Variants in RAB27B observed in about 807,000 individuals in gnomAD.
RAB27B encodes ras-related protein Rab-27B.
A neutral mutation model predicts 24.6 loss-of-function variants in RAB27B; 15 were observed. The observed-to-expected ratio is 0.61, with a 90% CI of 0.41 to 0.94. RAB27B has a LOEUF of 0.94. RAB27B is among the 40% of genes least tolerant of loss of function. The pLI, the probability that RAB27B is intolerant of heterozygous loss-of-function variation, is 0.00. For synonymous variants in RAB27B, 105 were observed against 92.5 expected, an observed-to-expected ratio of 1.14 and a Z score of -0.78; for missense variants, 261 against 266.8, an observed-to-expected ratio of 0.98 and a Z score of 0.15.
intron 2 of RAB27B, among the ~76,000 whole-genome samples, chr18:54,804,904 C>CTCTTTCTTTCTTTCTTTCTTTCTTTCTT (rs777177556): frequency 2.3e-4 from 11 of 47,970 alleles, no homozygotes; most frequent in African/African-American, 5.0e-4. Context: ...CTTTCTCTCT[C>CTCTTTCTTTCTTTCTTTCTTTCTTTCTT]TCTTTCTTTC....
At chr18:54,882,054 A>G (rs1211662481) in intron 3 of RAB27B, among the ~76,000 whole-genome samples, 4 of 152,278 alleles carry the variant, frequency 2.6e-5, no homozygotes, top group Middle Eastern at 3.4e-3. Flanking sequence ...TCAAAGCACT[A>G]TAATCTCTGT....
intron 2 of RAB27B, among the ~76,000 whole-genome samples, chr18:54,740,381 G>A (rs9949313): frequency 0.061 from 9,348 of 152,164 alleles, 360 homozygotes; most frequent in Admixed American, 0.087. Context: ...CAATCCTTAC[G>A]TTGAATAAAC....
At chr18:54,743,751 G>A (rs980541791) in intron 2 of RAB27B, among the ~76,000 whole-genome samples, 7 of 152,188 alleles carry the variant, frequency 4.6e-5, no homozygotes, top group African/African-American at 7.2e-5. Context: ...TGGACAGAGC[G>A]AATCAGCTCA....
chr18:54,876,159 G>C (rs1162928956), intron 1 of RAB27B, among the ~76,000 whole-genome samples: 1 of 152,086 alleles, frequency 6.6e-6, no homozygotes, highest in African/African-American at 2.4e-5. Context: ...AGGGGGAAGA[G>C]CCCCTTATAA....
chr18:54,799,821 G>T (rs1175055063), intron 2 of RAB27B, among the ~76,000 whole-genome samples: 1 of 151,628 alleles, frequency 6.6e-6, no homozygotes, highest in African/African-American at 2.4e-5. Context: ...GTAGAGACGG[G>T]GTTTCACCCG....
intron 2 of RAB27B, among the ~76,000 whole-genome samples, chr18:54,802,484 G>C (rs775761334): frequency 1.3e-5 from 2 of 152,138 alleles, no homozygotes; most frequent in African/African-American, 2.4e-5. Flanking sequence ...GTCCAAGATT[G>C]CTCCTTTCTG....
chr18:54,742,141 A>T (rs948993749), intron 2 of RAB27B, among the ~76,000 whole-genome samples: 2 of 152,212 alleles, frequency 1.3e-5, no homozygotes, highest in African/African-American at 4.8e-5. Flanking sequence ...TCTGATTAGG[A>T]CAAATGACCA....
rs1911600756 is a variant in RAB27B at position 54,851,805 on chromosome 18, T to C, written c.-20+23105T>C. On this transcript the variant is annotated intron_variant, in intron 1 of 5. Transcript: ENST00000262094. ...TCATTCTTGGGCAACAGTATTTTTT[T>C]CTGTGATTGTGTTAAATTGAGGAAT... 2.6e-5 allele frequency among the ~76,000 whole-genome samples: 4 copies of C among 152,318 alleles called. No homozygotes were observed. The South Asian group carries it at 8.3e-4, about 32-fold the overall frequency.
chr18:54,846,593 CT>C (rs1911348535), intron 1 of RAB27B, among the ~76,000 whole-genome samples: 1 of 152,158 alleles, frequency 6.6e-6, no homozygotes, highest in Non-Finnish European at 1.5e-5. Flanking sequence ...ACCAGAGAAC[CT>C]TTGATACCTA....
chr18:54,752,748 A>G (rs1907873923), intron 2 of RAB27B, among the ~76,000 whole-genome samples: 1 of 152,148 alleles, frequency 6.6e-6, no homozygotes, highest in Admixed American at 6.6e-5. Flanking sequence ...CAGAGCAGAG[A>G]TGCGTGCTGT....
chr18:54,771,919 T>C (rs1170908204), intron 2 of RAB27B, among the ~76,000 whole-genome samples: 1 of 152,206 alleles, frequency 6.6e-6, no homozygotes, highest in Non-Finnish European at 1.5e-5. Flanking sequence ...TACTCACTAC[T>C]TTAGGCAGTT....
intron 2 of RAB27B, among the ~76,000 whole-genome samples, chr18:54,744,541 G>A (rs1910174106): frequency 1.3e-5 from 2 of 152,160 alleles, no homozygotes; most frequent in African/African-American, 4.8e-5. Flanking sequence ...AATGACAAAT[G>A]TTTGGGGTAA....
At chr18:54,777,483 C>T (rs1908753012) in intron 2 of RAB27B, among the ~76,000 whole-genome samples, 2 of 152,186 alleles carry the variant, frequency 1.3e-5, no homozygotes, top group Admixed American at 1.3e-4. Flanking sequence ...TCTAGCTGCG[C>T]TTAAATTCAG....
At chr18:54,728,867 C>T (rs1304151496) in intron 2 of RAB27B, among the ~76,000 whole-genome samples, 3 of 69,434 alleles carry the variant, frequency 4.3e-5, no homozygotes, top group African/African-American at 6.0e-5. Context: ...CAGAGTAAGA[C>T]TCTGTCTCAA....
At chr18:54,799,996 A>G (rs900204250) in intron 2 of RAB27B, among the ~76,000 whole-genome samples, 4 of 152,152 alleles carry the variant, frequency 2.6e-5, no homozygotes, top group Non-Finnish European at 5.9e-5. Context: ...ACACAGAAAC[A>G]ATCAGTAAGG....
In RAB27B at chr18:54,805,499, T is replaced by A. The variant is rs138811395; in HGVS notation, c.-19-72068T>A. ...GTACATATACAAAGCACAAAAACAATGTTCACAACAATAAATGGTGGTAAT... is the reference window on the plus strand; with the variant it reads ...GTACATATACAAAGCACAAAAACAAAGTTCACAACAATAAATGGTGGTAAT... On this transcript the variant is annotated intron_variant, in intron 2 of 4. Transcript: ENST00000586570. Among the ~76,000 whole-genome samples, 318 of 152,318 alleles carry A rather than the reference T, an allele frequency of 2.1e-3. 2 individuals carry two copies. Among genetic ancestry groups the A allele is most frequent in the African/African-American group, 5.2e-3 (217 of 41,576 alleles).
rs187262956 is a variant in RAB27B at position 54,833,274 on chromosome 18, T to G, written c.-20+4574T>G. Among the ~76,000 whole-genome samples, 351 of 135,630 alleles carry G rather than the reference T, an allele frequency of 2.6e-3. 4 individuals carry two copies. Among genetic ancestry groups the G allele is most frequent in the African/African-American group, 9.2e-3 (329 of 35,790 alleles). 89.0% of individuals were successfully genotyped at this position (135,630 alleles called of 152,430 possible). The stretch of plus-strand genomic sequence containing the variant: ...GAGATGGAGTTTCTGTTGCCCAGGC[T>G]GGAGTGCAATGGCACGATCTCAGCT... On this transcript the variant is annotated intron_variant, in intron 1 of 5. Transcript: ENST00000262094.
At chr18:54,759,157 G>T (rs1031174475) in intron 2 of RAB27B, among the ~76,000 whole-genome samples, 6 of 152,062 alleles carry the variant, frequency 3.9e-5, no homozygotes, top group Non-Finnish European at 8.8e-5. Flanking sequence ...TCACTAACTG[G>T]TACTGAGAAA....
chr18:54,890,787 A>G lies in RAB27B; in HGVS notation c.*1374A>G, dbSNP rs1913336133. 6.6e-6 allele frequency: 1 copy of G among 152,130 alleles called. No homozygotes were observed. Among genetic ancestry groups the G allele is most frequent in the African/African-American group, 2.4e-5 (1 of 41,442 alleles). 9.4% of individuals were successfully genotyped at this position (152,130 alleles called of 1,614,324 possible). Reference sequence around the variant, plus strand: ...ATCTTATCTCAACAAAAAACTGGCCAGTATTTTTGTTAATGTAAAGCTTCC... The same window carrying G: ...ATCTTATCTCAACAAAAAACTGGCCGGTATTTTTGTTAATGTAAAGCTTCC... On this transcript the variant is annotated 3_prime_UTR_variant, in exon 6 of 6. Transcript: ENST00000262094.
Sources: gnomAD v4.1 joint callset for allele counts (sites outside exome capture counted in the v4.1 genomes callset) on GRCh38, gnomAD v4.1.1 for gene constraint, MANE v1.5 for transcripts, NCBI Gene and HGNC (gene_info 2026-07-23, HGNC 2026-07-21) for gene names.